The following COL21A1 variants were observed in gnomAD, a reference collection of about 807,000 sequenced individuals.
COL21A1 encodes the protein collagen alpha-1(XXI) chain.
COL21A1 carries 149 observed loss-of-function variants against 137.9 expected under a neutral mutation model. The observed-to-expected ratio is 1.08, with a 90% CI of 0.95 to 1.24. The LOEUF is 1.24. Among genes scored for constraint, COL21A1 ranks in the 50% most tolerant of loss-of-function variants. The probability of loss-of-function intolerance (pLI) is 0.00; values close to 1 mark genes in which losing one functional copy is unlikely to be tolerated. For synonymous variants in COL21A1, 456 were observed against 391.5 expected (o/e 1.16, Z -1.95); for missense variants, 1,167 against 1,158.4 (o/e 1.01, Z -0.11).
chr6:56,285,573 T>C (rs1763891102), intron 1 of COL21A1, among the ~76,000 whole-genome samples: 1 of 152,230 alleles, frequency 6.6e-6, no homozygotes, highest in African/African-American at 2.4e-5. Flanking sequence ...TTCTCATTTC[T>C]TTTTTGTTAG....
chr6:56,324,287 G>T (rs1764945770), intron 1 of COL21A1, among the ~76,000 whole-genome samples: 1 of 152,012 alleles, frequency 6.6e-6, no homozygotes, highest in Admixed American at 6.6e-5. Flanking sequence ...ATAGAAACTT[G>T]CAGAGCAAGC....
At chr6:56,281,619 A>T (rs1041844476) in intron 1 of COL21A1, among the ~76,000 whole-genome samples, 1 of 152,248 alleles carries the variant, frequency 6.6e-6, no homozygotes, top group Non-Finnish European at 1.5e-5. Context: ...TCACCATTAC[A>T]GTATGGATTT....
At chr6:56,201,102 C>A (rs1273516176) in intron 1 of COL21A1, among the ~76,000 whole-genome samples, 1 of 152,066 alleles carries the variant, frequency 6.6e-6, no homozygotes, top group Non-Finnish European at 1.5e-5. Flanking sequence ...TAAATGTCTT[C>A]TTTTGAGAAG....
At chr6:56,375,619 C>T (rs2093997572) in intron 1 of COL21A1, among the ~76,000 whole-genome samples, 1 of 152,236 alleles carries the variant, frequency 6.6e-6, no homozygotes, top group Admixed American at 6.5e-5. Flanking sequence ...GCCCTGCCCA[C>T]ACTTTGTAAC....
chr6:56,165,444 T>C (rs1776500414), intron 7 of COL21A1, among the ~76,000 whole-genome samples: 1 of 152,176 alleles, frequency 6.6e-6, no homozygotes, highest in Non-Finnish European at 1.5e-5. Flanking sequence ...ATCAGCTATC[T>C]AAAGCTGTGC....
chr6:56,241,145 T>A (rs1323940396), intron 1 of COL21A1, among the ~76,000 whole-genome samples: 1 of 152,110 alleles, frequency 6.6e-6, no homozygotes, highest in African/African-American at 2.4e-5. Context: ...AAGCCTTAAC[T>A]CCCAACATGG....
intron 1 of COL21A1, among the ~76,000 whole-genome samples, chr6:56,330,787 T>C (rs1765202754): frequency 2.0e-5 from 3 of 152,070 alleles, no homozygotes. Context: ...CTTTTTGATG[T>C]CAAGGTTTAT....
In COL21A1 at chr6:56,368,625, C is replaced by G. The variant is rs575990792; in HGVS notation, c.-39+25346G>C. Among the ~76,000 whole-genome samples the G allele has an allele frequency of 3.3e-5, 5 of 152,206 alleles. No individual in the cohort carries two copies. The East Asian group carries it at 9.6e-4, about 29-fold the overall frequency. On this transcript the variant is annotated intron_variant, in intron 1 of 28. Transcript: ENST00000370819. ...CTCCACAACCTCTTCTCCTCACCCC[C>G]CTTAAAATTCACTTACATTCCTTTT...
At chr6:56,172,712 T>C (rs907022402) in intron 3 of COL21A1, among the ~76,000 whole-genome samples, 1 of 152,152 alleles carries the variant, frequency 6.6e-6, no homozygotes, top group Admixed American at 6.5e-5. Context: ...TTTTAAAAAC[T>C]GTAACTTTAA....
intron 1 of COL21A1, among the ~76,000 whole-genome samples, chr6:56,220,705 G>A (rs1780775269): frequency 6.6e-6 from 1 of 152,038 alleles, no homozygotes; most frequent in African/African-American, 2.4e-5. Context: ...ATTGCTACAA[G>A]GCTCTTCTTC....
chr6:56,118,851 G>A (rs1156541082), intron 16 of COL21A1, among the ~76,000 whole-genome samples: 2 of 152,008 alleles, frequency 1.3e-5, no homozygotes, highest in Non-Finnish European at 2.9e-5. Context: ...AATTGATGCT[G>A]ACAAAGCATT....
At chr6:56,243,593 T>C (rs1782474628) in intron 1 of COL21A1, among the ~76,000 whole-genome samples, 1 of 152,218 alleles carries the variant, frequency 6.6e-6, no homozygotes, top group Non-Finnish European at 1.5e-5. Context: ...TAGCAAATTC[T>C]TATTAAGCAC....
At chr6:56,091,961 A>G (rs1768861046) in intron 17 of COL21A1, among the ~76,000 whole-genome samples, 1 of 152,162 alleles carries the variant, frequency 6.6e-6, no homozygotes, top group Admixed American at 6.6e-5. Flanking sequence ...ATAAAATCAG[A>G]GTGATTTTAG....
chr6:56,361,600 A>T (rs1581774340), intron 1 of COL21A1, among the ~76,000 whole-genome samples: 1 of 152,318 alleles, frequency 6.6e-6, no homozygotes, highest in Non-Finnish European at 1.5e-5. Context: ...GAATAACTAC[A>T]ATTTTGGTTT....
chr6:56,338,110 G>T (rs1300891602), intron 1 of COL21A1, among the ~76,000 whole-genome samples: 1 of 151,782 alleles, frequency 6.6e-6, no homozygotes, highest in African/African-American at 2.4e-5. Context: ...CTACAGGTGT[G>T]TGCCACCATG....
At chr6:56,080,483 G>A (rs1767656634) in intron 17 of COL21A1, among the ~76,000 whole-genome samples, 1 of 151,752 alleles carries the variant, frequency 6.6e-6, no homozygotes, top group Admixed American at 6.6e-5. Context: ...AGAATAAAGG[G>A]TTTGACTTCT....
chr6:56,066,512 T>C (rs1167980458), intron 23 of COL21A1, among the ~76,000 whole-genome samples: 2 of 151,872 alleles, frequency 1.3e-5, no homozygotes, highest in African/African-American at 4.8e-5. Context: ...ACTTACAAAC[T>C]TAAAAACATC....
At chr6:56,077,995 T>G in intron 17 of COL21A1, 1 of 436,442 alleles carries the variant, frequency 2.3e-6, no homozygotes, top group Non-Finnish European at 4.5e-6. Flanking sequence ...AAAAATTAAT[T>G]TAATTAAATG....
intron 1 of COL21A1, among the ~76,000 whole-genome samples, chr6:56,313,707 AT>A (rs1269601776): frequency 2.6e-5 from 4 of 152,138 alleles, no homozygotes; most frequent in Non-Finnish European, 4.4e-5. Flanking sequence ...GGAAAACACA[AT>A]TCAGTCCATA....
Sources: gnomAD v4.1 joint callset for allele counts (sites outside exome capture counted in the v4.1 genomes callset) on GRCh38, gnomAD v4.1.1 for gene constraint, MANE v1.5 for transcripts, NCBI Gene and HGNC (gene_info 2026-07-23, HGNC 2026-07-21) for gene names.